The following KANTR variants were observed in gnomAD, a reference collection of about 807,000 sequenced individuals.
KANTR encodes the protein KDM5C adjacent transcript.
intron 2 of KANTR, among the ~76,000 whole-genome samples, chrX:53,136,518 G>A (rs1425795539): frequency 2.3e-5 from 2 of 86,701 alleles, no homozygotes; most frequent in South Asian, 6.6e-4. Context: ...GATTACAGGC[G>A]TGAACCACCG....
intron 2 of KANTR, among the ~76,000 whole-genome samples, chrX:53,136,693 CAT>C (rs58263602): frequency 0.089 from 826 of 9,265 alleles, 88 homozygotes; most frequent in African/African-American, 0.15. Context: ...CCACGCCCGG[CAT>C]ATATATATAT....
chrX:53,133,512 T>A (rs1045903003), intron 2 of KANTR, among the ~76,000 whole-genome samples: 3 of 111,899 alleles, frequency 2.7e-5, no homozygotes, highest in African/African-American at 9.8e-5. Flanking sequence ...TCTGCTAACC[T>A]GAGGCCAGAA....
chrX:53,110,487 GAT>G (rs1324986397), intron 2 of KANTR, among the ~76,000 whole-genome samples: 1 of 112,085 alleles, frequency 8.9e-6, no homozygotes, highest in Non-Finnish European at 1.9e-5. Flanking sequence ...CATAGTAAAT[GAT>G]CCATTTAATG....
intron 2 of KANTR, among the ~76,000 whole-genome samples, chrX:53,113,447 T>C (rs782107645): frequency 8.3e-4 from 92 of 111,086 alleles, no homozygotes; most frequent in African/African-American, 2.8e-3. Context: ...TGAGCTTCCT[T>C]TATATAATTA....
At chrX:53,118,094 T>C (rs1211296042) in intron 2 of KANTR, among the ~76,000 whole-genome samples, 3 of 112,219 alleles carry the variant, frequency 2.7e-5, no homozygotes, top group Non-Finnish European at 5.6e-5. Context: ...TTTGCTCTTA[T>C]GGACAGTGCT....
In KANTR at chrX:53,105,486, A is replaced by C. The variant is rs902742615; in HGVS notation, c.-805+5878A>C. 7.7e-5 allele frequency among the ~76,000 whole-genome samples: 6 copies of C among 78,334 alleles called. No individual in the cohort carries two copies. In the East Asian group the frequency reaches 2.5e-3, roughly 33 times the overall value. 68.0% of individuals were successfully genotyped at this position (78,334 alleles called of 115,157 possible). A position where few individuals can be genotyped will look rare whatever the true frequency, so the allele number is the denominator to read the frequency against. The stretch of plus-strand genomic sequence containing the variant: ...ATGTGTCTTTTTATTATTGAGTTGC[A>C]GGACTTCTTTTTTTTTTTTTGGAGA... On this transcript the variant is annotated intron_variant, in intron 2 of 2. Coordinates refer to ENST00000604062, the Ensembl canonical transcript of KANTR.
At chrX:53,138,941 CAG>C (rs1933462424) in intron 2 of KANTR, among the ~76,000 whole-genome samples, 1 of 110,447 alleles carries the variant, frequency 9.1e-6, no homozygotes, top group Non-Finnish European at 1.9e-5. Context: ...GGGCCAGGCA[CAG>C]TGTCTCAACG....
chrX:53,136,693 C>CATATATATATACATATATATATATAT (rs1933426437), intron 2 of KANTR, among the ~76,000 whole-genome samples: 1 of 9,303 alleles, frequency 1.1e-4, no homozygotes, highest in African/African-American at 1.9e-4. Context: ...CCACGCCCGG[C>CATATATATATACATATATATATATAT]ATATATATAT....
rs1034970470 is a variant in KANTR at position 53,117,053 on chromosome X, G to A, written c.-804-6416G>A. On this transcript the variant is annotated intron_variant, in intron 2 of 2. Transcript: ENST00000604062. ...TCCCAGCACTTTGGGAGGCTGAGGC[G>A]GGTGAATCACTTGAGGTCAGGAGTT... is the stretch of plus-strand genomic sequence containing the variant. 8.1e-5 allele frequency among the ~76,000 whole-genome samples: 9 copies of A among 111,286 alleles called. No individual in the cohort carries two copies. The Admixed American group carries it at 8.6e-4, about 11-fold the overall frequency.
chrX:53,101,541 A>G (rs1399602819), intron 2 of KANTR, among the ~76,000 whole-genome samples: 1 of 112,482 alleles, frequency 8.9e-6, no homozygotes, highest in Admixed American at 9.5e-5. Context: ...CCTAATTTCA[A>G]TTTGTTATGT....
At chrX:53,123,099 TAAG>T (rs1478355296) in intron 2 of KANTR, among the ~76,000 whole-genome samples, 2 of 111,457 alleles carry the variant, frequency 1.8e-5, no homozygotes, top group Non-Finnish European at 3.8e-5. Flanking sequence ...AAATTGTAAA[TAAG>T]AAGGTTGAAA....
At chrX:53,120,182 A>G (rs1933196265) in intron 2 of KANTR, among the ~76,000 whole-genome samples, 1 of 110,661 alleles carries the variant, frequency 9.0e-6, no homozygotes, top group African/African-American at 3.3e-5. Context: ...CTACAGGGGC[A>G]TGCCACCACA....
At chrX:53,134,720 G>T (rs1374325700) in intron 2 of KANTR, among the ~76,000 whole-genome samples, 1 of 111,705 alleles carries the variant, frequency 9.0e-6, no homozygotes, top group Non-Finnish European at 1.9e-5. Context: ...GTTGGAAACG[G>T]GAGTGAGGAA....
exon 3 of KANTR, chrX:53,125,017 T>C (rs910681572): frequency 1.8e-5 from 2 of 112,094 alleles, no homozygotes; most frequent in African/African-American, 3.2e-5. Context: ...GGTGCGTTAA[T>C]GTTCAACTGT....
At chrX:53,127,858 C>T (rs1171953207), downstream of KANTR, among the ~76,000 whole-genome samples, 1 of 111,210 alleles carries the variant, frequency 9.0e-6, no homozygotes, top group Non-Finnish European at 1.9e-5. Context: ...AAGCAGACCA[C>T]TCTCATTATA....
chrX:53,120,985 G>C (rs1556815424), intron 2 of KANTR, among the ~76,000 whole-genome samples: 1 of 105,962 alleles, frequency 9.4e-6, no homozygotes, highest in Non-Finnish European at 1.9e-5. Context: ...GCCTCCCAAG[G>C]TGTTGTTTTT....
chrX:53,142,430 C>T, exon 3 of KANTR: 1 of 184,262 alleles, frequency 5.4e-6, no homozygotes, highest in South Asian at 9.0e-5. Flanking sequence ...ATTCTCCTGC[C>T]TCAGCCTCCC....
At chrX:53,094,858 A>G in intron 1 of KANTR, 1 of 112,016 alleles carries the variant, frequency 8.9e-6, no homozygotes, top group Non-Finnish European at 1.9e-5. Context: ...ACTGAAAAGA[A>G]TATTGTCTCT....
downstream of KANTR, among the ~76,000 whole-genome samples, chrX:53,147,176 T>C (rs1670305898): frequency 9.0e-6 from 1 of 111,345 alleles, no homozygotes; most frequent in Admixed American, 9.5e-5. Context: ...GACTGGCAAA[T>C]TGGATAAAGA....
Sources: gnomAD v4.1 joint callset for allele counts (sites outside exome capture counted in the v4.1 genomes callset) on GRCh38, gnomAD v4.1.1 for gene constraint, MANE v1.5 for transcripts, NCBI Gene and HGNC (gene_info 2026-07-23, HGNC 2026-07-21) for gene names.